Variants in DLGAP2 observed in about 807,000 individuals in gnomAD.
DLGAP2 encodes disks large-associated protein 2.
DLGAP2 carries 26 observed loss-of-function variants against 100.3 expected under a neutral mutation model. The ratio of observed to expected loss-of-function variants is 0.26; its 90% CI spans 0.19 to 0.36. The LOEUF (loss-of-function observed/expected upper bound fraction) is 0.36, where lower values mean the gene tolerates loss of function less well. Among genes scored for constraint, DLGAP2 ranks in the 10% least tolerant of loss-of-function variants. The probability of loss-of-function intolerance (pLI) is 1.00; values close to 1 mark genes in which losing one functional copy is unlikely to be tolerated. For missense variants in DLGAP2, 1,858 were observed against 1,453.2 expected (o/e 1.28, Z -4.53); for synonymous variants, 886 against 630.1 (o/e 1.41, Z -6.08).
At chr8:1,682,802 C>G (rs1218316891) in intron 12 of DLGAP2, among the ~76,000 whole-genome samples, 1 of 151,540 alleles carries the variant, frequency 6.6e-6, no homozygotes, top group Non-Finnish European at 1.5e-5. Flanking sequence ...GTGTCACTTA[C>G]CTTATTATTA....
intron 4 of DLGAP2, among the ~76,000 whole-genome samples, chr8:1,528,974 C>T (rs1287630992): frequency 4.6e-5 from 7 of 152,184 alleles, no homozygotes; most frequent in Non-Finnish European, 7.3e-5. Context: ...CTAAAATGTT[C>T]ACGTGATATT....
At chr8:982,366 T>C (rs1800361731) in intron 2 of DLGAP2, among the ~76,000 whole-genome samples, 1 of 152,262 alleles carries the variant, frequency 6.6e-6, no homozygotes, top group African/African-American at 2.4e-5. Flanking sequence ...GAGCTGTTGA[T>C]ATTTTTGTGG....
intron 3 of DLGAP2, among the ~76,000 whole-genome samples, chr8:1,375,135 C>CCACGGCCTCAGAA (rs1802359670): frequency 7.3e-6 from 1 of 136,322 alleles, no homozygotes; most frequent in African/African-American, 2.8e-5. Context: ...CGACACCTCT[C>CCACGGCCTCAGAA]CACGACCTCA....
At chr8:833,784 A>T (rs1232503558) in intron 1 of DLGAP2, among the ~76,000 whole-genome samples, 2 of 152,142 alleles carry the variant, frequency 1.3e-5, no homozygotes, top group East Asian at 3.9e-4. Flanking sequence ...ATCTTTAGAG[A>T]TTTTTTACCA....
rs1244651338 is a variant in DLGAP2, at chr8:1,373,429, C to CG, written c.106+114552dup. 5.3e-5 allele frequency among the ~76,000 whole-genome samples: 8 copies of CG among 152,244 alleles called. No homozygotes were observed. In the East Asian group the frequency reaches 7.8e-4, roughly 15 times the overall value. On this transcript the variant is annotated intron_variant, in intron 3 of 14. Transcript: ENST00000637795. ...CCCCGGGCTTCCTGCCCGACAAGGACGGGGGGCCGGACAGAGAGCCGTGTC... is the reference window on the plus strand; with the variant it reads ...CCCCGGGCTTCCTGCCCGACAAGGACGGGGGGGCCGGACAGAGAGCCGTGTC...
At chr8:1,468,840 G>A (rs1209388190) in intron 3 of DLGAP2, among the ~76,000 whole-genome samples, 1 of 152,158 alleles carries the variant, frequency 6.6e-6, no homozygotes, top group African/African-American at 2.4e-5. Context: ...AGCAGCTTGT[G>A]GTGACCGTCA....
At chr8:1,423,354 A>G (rs1467195430) in intron 3 of DLGAP2, among the ~76,000 whole-genome samples, 1 of 152,136 alleles carries the variant, frequency 6.6e-6, no homozygotes, top group Non-Finnish European at 1.5e-5. Context: ...GGCAGATCCC[A>G]GGACCACCCC....
chr8:1,540,351 C>T (rs1022189435), intron 4 of DLGAP2, among the ~76,000 whole-genome samples: 1 of 152,250 alleles, frequency 6.6e-6, no homozygotes, highest in Admixed American at 6.5e-5. Context: ...GGGGCTGTTT[C>T]ACTCACTGTC....
intron 2 of DLGAP2, among the ~76,000 whole-genome samples, chr8:1,095,885 C>T (rs555016772): frequency 1.3e-4 from 20 of 152,236 alleles, no homozygotes; most frequent in South Asian, 1.2e-3. Context: ...GAAATGTTTG[C>T]GGAGTGAATG....
intron 2 of DLGAP2, among the ~76,000 whole-genome samples, chr8:1,163,019 G>A (rs1408000239): frequency 6.6e-6 from 1 of 152,210 alleles, no homozygotes; most frequent in Non-Finnish European, 1.5e-5. Flanking sequence ...GAGCTTTGGT[G>A]TTTGGTGTAG....
At chr8:1,370,606 C>G (rs1417752544) in intron 3 of DLGAP2, among the ~76,000 whole-genome samples, 15 of 152,226 alleles carry the variant, frequency 9.9e-5, no homozygotes. Flanking sequence ...TTATCACCCT[C>G]TGGTTGCTAC....
At chr8:1,579,346 C>T (rs963500521) in intron 6 of DLGAP2, among the ~76,000 whole-genome samples, 1 of 151,982 alleles carries the variant, frequency 6.6e-6, no homozygotes, top group African/African-American at 2.4e-5. Context: ...TATATAGACA[C>T]ATATGTATAT....
intron 2 of DLGAP2, among the ~76,000 whole-genome samples, chr8:1,246,013 C>T (rs1798894161): frequency 6.6e-6 from 1 of 152,204 alleles, no homozygotes; most frequent in African/African-American, 2.4e-5. Context: ...TACTTCTACA[C>T]TCAAATTTCA....
intron 2 of DLGAP2, among the ~76,000 whole-genome samples, chr8:1,194,685 G>A (rs1797711967): frequency 6.6e-6 from 1 of 152,204 alleles, no homozygotes; most frequent in African/African-American, 2.4e-5. Flanking sequence ...TGACCACAGG[G>A]TCGTCCCGGA....
chr8:835,449 C>T (rs1796855178), intron 1 of DLGAP2, among the ~76,000 whole-genome samples: 1 of 151,904 alleles, frequency 6.6e-6, no homozygotes, highest in South Asian at 2.1e-4. Context: ...CACTGTGCTC[C>T]ACGCCGCCCC....
chr8:1,135,514 T>G (rs866002694), intron 2 of DLGAP2, among the ~76,000 whole-genome samples: 20 of 136,336 alleles, frequency 1.5e-4, no homozygotes, highest in African/African-American at 4.8e-4. Context: ...TTTTTTTTTT[T>G]TTTTTTTTTT....
chr8:1,494,769 A>T (rs1418439519), intron 3 of DLGAP2, among the ~76,000 whole-genome samples: 1 of 152,042 alleles, frequency 6.6e-6, no homozygotes, highest in Non-Finnish European at 1.5e-5. Context: ...GGTGCCACTC[A>T]ATGCAGCCTC....
chr8:1,615,497 A>G (rs563702470), intron 6 of DLGAP2, among the ~76,000 whole-genome samples: 2 of 152,376 alleles, frequency 1.3e-5, no homozygotes, highest in South Asian at 2.1e-4. Context: ...CTCACCAGAA[A>G]GATCTTTAAA....
At chr8:1,447,467 G>A (rs527895864) in intron 3 of DLGAP2, among the ~76,000 whole-genome samples, 2 of 152,310 alleles carry the variant, frequency 1.3e-5, no homozygotes, top group African/African-American at 4.8e-5. Context: ...GCTTTTTGAT[G>A]TGCTGCTGGA....
Sources: allele counts gnomAD v4.1 joint callset (sites outside exome capture counted in the v4.1 genomes callset), GRCh38; gene constraint gnomAD v4.1.1; transcripts MANE v1.5; gene names NCBI Gene and HGNC (gene_info 2026-07-23, HGNC 2026-07-21).